The following KCNIP3 variants were observed in gnomAD, a reference collection of about 807,000 sequenced individuals.
The protein encoded by KCNIP3 is calsenilin.
In KCNIP3, 28 loss-of-function variants were observed where a neutral mutation model predicts 35.0. That is an observed-to-expected ratio of 0.80 (90% CI 0.59 to 1.10). KCNIP3 has a LOEUF of 1.10. KCNIP3 is among the 50% of genes least tolerant of loss of function. The pLI is 0.00. For missense variants in KCNIP3, 295 were observed against 338.4 expected (o/e 0.87, Z 1.01); for synonymous variants, 134 against 133.8 (o/e 1.00, Z -0.01).
At position 95,382,421 on chromosome 2, in the gene KCNIP3, C is replaced by T; in HGVS notation, c.600C>T (p.Arg200=). 1 of 1,609,032 alleles carries T rather than the reference C, an allele frequency of 6.2e-7. No individual in the cohort carries two copies. The highest frequency in any genetic ancestry group is 8.5e-7 in the Non-Finnish European group (1 of 1,177,972). ...IMKSIYDMMG[R]HTYPILREDA... is the part of the protein sequence containing the mutation. ...AGTCCATCTATGACATGATGGGCCG[C>T]CACACCTACCCCATCCTGCGGGAGG... The change falls in exon 7 of 9, where the codon CGC becomes CGT. Residue 200 remains arginine (R), a synonymous_variant. Coordinates refer to ENST00000295225, the MANE Select transcript of KCNIP3 (RefSeq NM_013434.5). This position sits in a 1 kb window ranked among gnomAD's most constrained non-coding sequence, Gnocchi z 4.5.
chr2:95,372,924 T>C (rs945309801), intron 2 of KCNIP3, among the ~76,000 whole-genome samples: 1 of 152,200 alleles, frequency 6.6e-6, no homozygotes, highest in Non-Finnish European at 1.5e-5. Flanking sequence ...GAGTGGGCAG[T>C]GCAGGCTGTC....
intron 2 of KCNIP3, among the ~76,000 whole-genome samples, chr2:95,369,216 A>G (rs1679985963): frequency 6.6e-6 from 1 of 152,044 alleles, no homozygotes; most frequent in African/African-American, 2.4e-5. Context: ...AATTGATATG[A>G]TTATGTGCTT....
At chr2:95,363,297 G>A (rs780490331) in intron 2 of KCNIP3, among the ~76,000 whole-genome samples, 7 of 152,138 alleles carry the variant, frequency 4.6e-5, no homozygotes, top group Non-Finnish European at 1.0e-4. Context: ...TTGCATGTGG[G>A]ATATGGAAGG....
At chr2:95,380,543 C>A (rs1001287386) in intron 5 of KCNIP3, among the ~76,000 whole-genome samples, 1 of 152,194 alleles carries the variant, frequency 6.6e-6, no homozygotes, top group African/African-American at 2.4e-5. Context: ...GAGGGTTTCA[C>A]CTTTAAACCT....
chr2:95,301,775 A>C (rs1175455068), intron 1 of KCNIP3, among the ~76,000 whole-genome samples: 4 of 152,006 alleles, frequency 2.6e-5, no homozygotes, highest in Non-Finnish European at 4.4e-5. Flanking sequence ...TGTCCTTGTC[A>C]AGGTGGCAGC....
chr2:95,371,466 A>G (rs769407436), intron 2 of KCNIP3, among the ~76,000 whole-genome samples: 2 of 152,210 alleles, frequency 1.3e-5, no homozygotes, highest in Non-Finnish European at 2.9e-5. Flanking sequence ...TCTGATATAT[A>G]TTGGTAACCT....
At chr2:95,373,102 A>G (rs1680078149) in intron 2 of KCNIP3, among the ~76,000 whole-genome samples, 1 of 152,164 alleles carries the variant, frequency 6.6e-6, no homozygotes, top group African/African-American at 2.4e-5. Flanking sequence ...CCAGAGTACC[A>G]GCCATGAGGG....
intron 2 of KCNIP3, chr2:95,346,691 C>CCGCTGGCCCG (rs992411012): frequency 6.8e-6 from 1 of 146,890 alleles, no homozygotes; most frequent in Non-Finnish European, 1.5e-5. Flanking sequence ...CATGGAGGCG[C>CCGCTGGCCCG]CGCTGGCCCG....
chr2:95,331,511 T>G (rs1343273226), intron 2 of KCNIP3, among the ~76,000 whole-genome samples: 1 of 151,974 alleles, frequency 6.6e-6, no homozygotes, highest in African/African-American at 2.4e-5. Context: ...CATAGACGGA[T>G]TTGAAGCCAA....
At chr2:95,301,600 C>G (rs1678032027) in intron 1 of KCNIP3, among the ~76,000 whole-genome samples, 1 of 152,250 alleles carries the variant, frequency 6.6e-6, no homozygotes, top group African/African-American at 2.4e-5. Context: ...GGCCTGGCCC[C>G]TGGCACAGAG....
chr2:95,326,864 T>C (rs1401752036), intron 2 of KCNIP3, among the ~76,000 whole-genome samples: 1 of 152,170 alleles, frequency 6.6e-6, no homozygotes, highest in Non-Finnish European at 1.5e-5. Context: ...GGAACTCCCC[T>C]CGCCCTGCCC....
chr2:95,325,783 TCATACACACTCATACACA>T (rs1678739386), intron 2 of KCNIP3, among the ~76,000 whole-genome samples: 1 of 101,124 alleles, frequency 9.9e-6, no homozygotes, highest in African/African-American at 3.9e-5. Context: ...ATACACACAC[TCATACACACTCATACACA>T]CATACACTCA....
chr2:95,336,757 G>A (rs1679069488), intron 2 of KCNIP3, among the ~76,000 whole-genome samples: 1 of 152,206 alleles, frequency 6.6e-6, no homozygotes, highest in Non-Finnish European at 1.5e-5. Flanking sequence ...GGGAGGGTCT[G>A]TTTCAGCTTT....
intron 1 of KCNIP3, among the ~76,000 whole-genome samples, chr2:95,309,906 A>C (rs1558758751): frequency 1.3e-5 from 2 of 152,240 alleles, no homozygotes; most frequent in Admixed American, 6.5e-5. Flanking sequence ...AAACTCAGGC[A>C]GAGCAGGGGC....
At chr2:95,347,491 T>C (rs1426243925) in intron 2 of KCNIP3, among the ~76,000 whole-genome samples, 1 of 152,202 alleles carries the variant, frequency 6.6e-6, no homozygotes, top group East Asian at 1.9e-4. Flanking sequence ...CCAGGGCACC[T>C]GGCAGCCGGC....
intron 2 of KCNIP3, among the ~76,000 whole-genome samples, chr2:95,368,181 C>T (rs954493829): frequency 2.0e-5 from 3 of 152,186 alleles, no homozygotes; most frequent in East Asian, 1.9e-4. Context: ...CTAAGGATAA[C>T]CTTCTAATTA....
At chr2:95,360,993 A>G (rs567879837) in intron 2 of KCNIP3, among the ~76,000 whole-genome samples, 1 of 152,336 alleles carries the variant, frequency 6.6e-6, no homozygotes, top group East Asian at 1.9e-4. Context: ...TAGCCCCTGG[A>G]GAAGGAGGAA....
At chr2:95,342,301 T>A (rs919122768) in intron 2 of KCNIP3, among the ~76,000 whole-genome samples, 6 of 152,244 alleles carry the variant, frequency 3.9e-5, no homozygotes, top group Non-Finnish European at 7.3e-5. Flanking sequence ...TTAACCACTC[T>A]GTGCTTCAAC....
intron 2 of KCNIP3, among the ~76,000 whole-genome samples, chr2:95,358,592 A>G (rs869186): frequency 0.48 from 73,009 of 152,134 alleles, 19,688 homozygotes; most frequent in Non-Finnish European, 0.61. Flanking sequence ...GGGTAATTCT[A>G]TTGTACAGAA....
Sources: gnomAD v4.1 joint callset for allele counts (sites outside exome capture counted in the v4.1 genomes callset) on GRCh38, gnomAD v4.1.1 for gene constraint, Gnocchi (gnomAD v3.1) non-coding constraint, MANE v1.5 for transcripts, NCBI Gene and HGNC (gene_info 2026-07-23, HGNC 2026-07-21) for gene names.